Variants in USP20 observed in about 807,000 individuals in gnomAD.
USP20 encodes ubiquitin carboxyl-terminal hydrolase 20.
Under a neutral mutation model 124.2 loss-of-function variants are expected in USP20, and 80 were observed. The observed-to-expected ratio is 0.64, with a 90% CI of 0.54 to 0.78. USP20 has a LOEUF of 0.78. Ranked by LOEUF, USP20 falls within the 30% of genes least tolerant of loss-of-function variation. The pLI, the probability that USP20 is intolerant of heterozygous loss-of-function variation, is 0.00. For missense variants in USP20, 1,043 were observed against 1,244.4 expected (o/e 0.84, Z 2.44); for synonymous variants, 481 against 512.3 (o/e 0.94, Z 0.83).
rs1275156148 is a variant in USP20 at position 129,874,603 on chromosome 9, C to T, written c.1768C>T (p.Arg590Trp). Residue 590 changes from arginine to tryptophan, a missense_variant, in exon 18 of 26, where the codon CGG becomes TGG. Coordinates refer to ENST00000372429, the MANE Select transcript of USP20 (RefSeq NM_001110303.4). ...EILCIHLKRF[R>W]HEVMYSFKIN... ...CCTGTGCATTCACCTAAAGCGCTTT[C>T]GGCACGAGGTGATGTACTCATTCAA... 7 of 1,613,674 alleles carry T rather than the reference C, an allele frequency of 4.3e-6. No homozygotes were observed. Among genetic ancestry groups the T allele is most frequent in the Non-Finnish European group, 5.1e-6 (6 of 1,180,018 alleles).
intron 19 of USP20, 81 bp downstream of exon 19, chr9:129,875,036 G>A: frequency 1.3e-6 from 2 of 1,545,706 alleles, no homozygotes; most frequent in Admixed American, 1.9e-5. Context: ...GTGTGTGTAG[G>A]GGACAGCGCC....
At chr9:129,852,826 T>C (rs186720195) in intron 3 of USP20, among the ~76,000 whole-genome samples, 190 bp downstream of exon 3, 66 of 152,214 alleles carry the variant, frequency 4.3e-4, no homozygotes, top group African/African-American at 1.5e-3. Context: ...AGCCATTAAT[T>C]ATAGTTTAGA....
Position 129,852,526 on chromosome 9 carries a change from G to T in USP20, c.-16-14G>T. 2 of 1,573,122 alleles carry T rather than the reference G, an allele frequency of 1.3e-6. No individual in the cohort carries two copies. Among genetic ancestry groups the T allele is most frequent in the Non-Finnish European group, 1.7e-6 (2 of 1,157,970 alleles). The stretch of plus-strand genomic sequence containing the variant: ...GGCTGCCATTAACCCGGGATTGCTT[G>T]TGTCTTCTCATAGGTGAGCCCAGGC... On this transcript the variant is annotated splice_polypyrimidine_tract_variant and intron_variant, in intron 2 of 25. Transcript: ENST00000372429.
intron 15 of USP20, among the ~76,000 whole-genome samples, chr9:129,872,159 C>CT (rs1230187695): frequency 1.2e-4 from 18 of 147,168 alleles, no homozygotes; most frequent in African/African-American, 3.4e-4. Context: ...TATAGGGATT[C>CT]TTTTTTTTCT....
At chr9:129,844,616 T>A (rs2032426402) in intron 1 of USP20, among the ~76,000 whole-genome samples, 1 of 121,484 alleles carries the variant, frequency 8.2e-6, no homozygotes, top group South Asian at 2.7e-4. Flanking sequence ...AGAGCGCGAC[T>A]CTGTCTCAAA....
In USP20 at chr9:129,870,460, G is replaced by A. The variant is rs2034066157; in HGVS notation, c.1573G>A (p.Val525Ile). 1.2e-6 allele frequency: 2 copies of A among 1,613,894 alleles called. No individual in the cohort carries two copies. Among genetic ancestry groups the A allele is most frequent in the Non-Finnish European group, 1.7e-6 (2 of 1,179,962 alleles). ...CTCCTTTTCTGTCTGTAGGTTTGTG[G>A]TATCCTGTACCCCCAGCTGGTTTTG... ...FIVEYIRRFVVSCTPSWFWGP... is the reference protein window; with the variant it reads ...FIVEYIRRFVISCTPSWFWGP... Residue 525 changes from valine (V) to isoleucine (I), a missense_variant, in exon 15 of 26, where the codon GTA (valine) becomes ATA (isoleucine). Val to Ile is a conservative substitution (Grantham distance 29). Transcript: ENST00000372429.
At chr9:129,842,176 T>C (rs1178399628) in intron 1 of USP20, among the ~76,000 whole-genome samples, 1 of 152,144 alleles carries the variant, frequency 6.6e-6, no homozygotes, top group Non-Finnish European at 1.5e-5. Context: ...ATTTTATGAA[T>C]GTGGAGACTG....
At chr9:129,838,442 G>GATT (rs2031999777) in intron 1 of USP20, among the ~76,000 whole-genome samples, 1 of 152,144 alleles carries the variant, frequency 6.6e-6, no homozygotes, top group South Asian at 2.1e-4. Context: ...AATTTCCATT[G>GATT]ATTATAAAGA....
intron 19 of USP20, 39 bp from the exon 20 acceptor site, chr9:129,875,271 C>T (rs774674982): frequency 5.1e-6 from 8 of 1,557,050 alleles, no homozygotes; most frequent in South Asian, 1.2e-5. Context: ...AAGGTGGCAG[C>T]CGTCAGGCAC....
intron 15 of USP20, among the ~76,000 whole-genome samples, chr9:129,873,168 G>A (rs1384467110): frequency 3.7e-5 from 5 of 135,944 alleles, no homozygotes; most frequent in African/African-American, 8.3e-5. Context: ...CCTCTGCCCC[G>A]AGCCCCCCAG....
chr9:129,847,408 T>G (rs1379985993), intron 1 of USP20, among the ~76,000 whole-genome samples: 1 of 151,850 alleles, frequency 6.6e-6, no homozygotes, highest in Non-Finnish European at 1.5e-5. Flanking sequence ...GTTCAAGTGA[T>G]TCTTCCACCT....
intron 15 of USP20, among the ~76,000 whole-genome samples, chr9:129,871,684 G>A (rs1208185346): frequency 6.6e-6 from 1 of 152,176 alleles, no homozygotes; most frequent in Non-Finnish European, 1.5e-5. Flanking sequence ...TCATGGGTAT[G>A]AGGTGGTATC....
chr9:129,863,844 A>G (rs1392544259), intron 9 of USP20, among the ~76,000 whole-genome samples: 4 of 152,238 alleles, frequency 2.6e-5, no homozygotes, highest in Non-Finnish European at 5.9e-5. Context: ...GCAGTGGCTC[A>G]CGCCTGTAAT....
intron 1 of USP20, among the ~76,000 whole-genome samples, chr9:129,847,905 T>A (rs2032675090): frequency 6.6e-6 from 1 of 152,008 alleles, no homozygotes; most frequent in African/African-American, 2.4e-5. Context: ...TGATTTTTTT[T>A]TTTTTTTTTG....
intron 1 of USP20, among the ~76,000 whole-genome samples, chr9:129,845,377 A>G (rs978246883): frequency 2.0e-5 from 3 of 151,980 alleles, no homozygotes; most frequent in African/African-American, 7.3e-5. Context: ...AACTTGAAAA[A>G]CCATTAACAG....
chr9:129,837,533 C>T (rs1423922100), intron 1 of USP20, among the ~76,000 whole-genome samples: 1 of 146,012 alleles, frequency 6.8e-6, no homozygotes, highest in Non-Finnish European at 1.6e-5. Context: ...AGATTCTTAG[C>T]ATTTACTATA....
intron 1 of USP20, among the ~76,000 whole-genome samples, chr9:129,838,682 A>G (rs1049048156): frequency 1.9e-4 from 29 of 152,174 alleles, no homozygotes; most frequent in African/African-American, 2.4e-5. Context: ...CAGGCCCCAG[A>G]AATCATGATT....
In USP20 at chr9:129,875,786, G is replaced by A; in HGVS notation, c.2300+145G>A. 6.6e-6 allele frequency: 5 copies of A among 762,606 alleles called. No individual in the cohort carries two copies. The South Asian group carries it at 7.2e-5, about 11-fold the overall frequency. 47.2% of individuals were successfully genotyped at this position (762,606 alleles called of 1,614,324 possible). ...GGGCAGCACAGAGCCGCCTTCACTT[G>A]TCTCATGGAGAATGACACATGTCGT... On this transcript the variant is annotated intron_variant, in intron 21 of 25. Transcript: ENST00000372429.
intron 1 of USP20, among the ~76,000 whole-genome samples, chr9:129,848,937 C>T (rs1358060147): frequency 6.6e-6 from 1 of 152,240 alleles, no homozygotes; most frequent in Non-Finnish European, 1.5e-5. Context: ...CCTCTTTGAG[C>T]TGTCCACATC....
Sources: allele counts gnomAD v4.1 joint callset (sites outside exome capture counted in the v4.1 genomes callset), GRCh38; gene constraint gnomAD v4.1.1; transcripts MANE v1.5; gene names NCBI Gene and HGNC (gene_info 2026-07-23, HGNC 2026-07-21).